ADGRG7: variants seen among roughly 807,000 people sequenced by gnomAD.
The protein encoded by ADGRG7 is G-protein coupled receptor 128.
Under a neutral mutation model 88.6 loss-of-function variants are expected in ADGRG7, and 82 were observed. The observed-to-expected ratio is 0.93, with a 90% CI of 0.77 to 1.11. ADGRG7 has a LOEUF of 1.11. ADGRG7 is among the 50% of genes most tolerant of loss of function. The pLI is 0.00. For missense variants in ADGRG7, 945 were observed against 953.4 expected (o/e 0.99, Z 0.12); for synonymous variants, 381 against 345.2 (o/e 1.10, Z -1.15).
chr3:100,639,452 G>A (rs2149022247), intron 6 of ADGRG7, among the ~76,000 whole-genome samples: 1 of 152,324 alleles, frequency 6.6e-6, no homozygotes, highest in South Asian at 2.1e-4. Flanking sequence ...AATTCTGAGA[G>A]GTGGTTGTAG....
intron 11 of ADGRG7, among the ~76,000 whole-genome samples, chr3:100,650,479 A>G (rs1230609181): frequency 1.3e-5 from 2 of 152,110 alleles, no homozygotes; most frequent in Non-Finnish European, 2.9e-5. Flanking sequence ...TTGGTCTTTC[A>G]TGACATTGAA....
chr3:100,659,605 G>A, intron 13 of ADGRG7, 83 bp from the exon 14 acceptor site: 2 of 1,171,094 alleles, frequency 1.7e-6, no homozygotes, highest in South Asian at 3.1e-5. Context: ...TCAGTTGAGT[G>A]AATGTCAATA....
intron 3 of ADGRG7, among the ~76,000 whole-genome samples, chr3:100,631,902 C>T (rs1707463300): frequency 1.3e-5 from 2 of 152,014 alleles, no homozygotes; most frequent in South Asian, 4.2e-4. Context: ...TCTGAAATGC[C>T]ATATCAGTCA....
At chr3:100,612,841 T>C (rs1243415747) in intron 1 of ADGRG7, among the ~76,000 whole-genome samples, 1 of 152,188 alleles carries the variant, frequency 6.6e-6, no homozygotes, top group African/African-American at 2.4e-5. Context: ...CGTTGAAATA[T>C]TCCCAAACCC....
intron 14 of ADGRG7, among the ~76,000 whole-genome samples, chr3:100,664,587 T>C (rs373387847): frequency 6.6e-6 from 1 of 152,336 alleles, no homozygotes; most frequent in African/African-American, 2.4e-5. Flanking sequence ...AAATTATTCA[T>C]GGCTCAATAC....
intron 15 of ADGRG7, among the ~76,000 whole-genome samples, chr3:100,685,193 T>A (rs1272154430): frequency 1.3e-5 from 2 of 152,184 alleles, no homozygotes; most frequent in Admixed American, 6.5e-5. Flanking sequence ...AATGAGGACT[T>A]TTCTAGCTGA....
At chr3:100,677,807 G>A (rs147225292) in intron 15 of ADGRG7, among the ~76,000 whole-genome samples, 122 of 152,162 alleles carry the variant, frequency 8.0e-4, no homozygotes, top group African/African-American at 2.9e-3. Context: ...TTGAAGCTCT[G>A]TTGTATATTA....
chr3:100,635,649 A>T, intron 4 of ADGRG7, 28 bp from the exon 5 acceptor site: 1 of 1,605,788 alleles, frequency 6.2e-7, no homozygotes, highest in South Asian at 1.1e-5. Flanking sequence ...GTGTAAAGCT[A>T]GGGTTTTTTT....
chr3:100,669,103 C>T lies in ADGRG7; in HGVS notation c.2134C>T (p.Gln712Ter), dbSNP rs1363143675. 3 of 1,578,978 alleles carry T rather than the reference C, an allele frequency of 1.9e-6. No individual in the cohort carries two copies. The highest frequency in any genetic ancestry group is 2.6e-6 in the Non-Finnish European group (3 of 1,163,992). Residue 712 changes from glutamine to a stop codon, truncating the protein, a stop_gained and splice_region_variant, in exon 15 of 16, where the codon CAG (glutamine) becomes TAG (stop). Coordinates refer to ENST00000273352, the MANE Select transcript of ADGRG7 (RefSeq NM_032787.3). LOFTEE classifies it high-confidence loss of function. ...CATATTCTGCCTTTTCAACACTACA[C>T]AGGTATGGTGCGGATTAGTCTGAAA... The part of the protein sequence containing the change: ...SYIFCLFNTT[Q>*]GLQIFILYTV...
chr3:100,612,303 T>A (rs1481212752), intron 1 of ADGRG7, among the ~76,000 whole-genome samples: 1 of 152,150 alleles, frequency 6.6e-6, no homozygotes, highest in Non-Finnish European at 1.5e-5. Flanking sequence ...ACAACAATAT[T>A]TATGCTATTT....
At chr3:100,657,031 G>C (rs1015803354) in intron 13 of ADGRG7, among the ~76,000 whole-genome samples, 5 of 152,210 alleles carry the variant, frequency 3.3e-5, no homozygotes, top group Admixed American at 2.6e-4. Context: ...CACAGGGCTA[G>C]ACTCACTCCT....
intron 14 of ADGRG7, among the ~76,000 whole-genome samples, chr3:100,666,957 G>C (rs1482588126): frequency 2.0e-5 from 3 of 152,120 alleles, no homozygotes; most frequent in Non-Finnish European, 4.4e-5. Context: ...CAGAGAGCAC[G>C]GGGTTGGGGG....
chr3:100,650,207 C>T (rs971951627), intron 11 of ADGRG7, among the ~76,000 whole-genome samples: 5 of 152,000 alleles, frequency 3.3e-5, no homozygotes, highest in Admixed American at 6.6e-5. Flanking sequence ...AATGGTGAAA[C>T]GTTTTTCAAA....
rs912646446 is a variant in ADGRG7, at chr3:100,635,773, G to T, written c.544G>T (p.Ala182Ser). The change falls in exon 5 of 16, where the codon GCT becomes TCT. Residue 182 changes from alanine (A) to serine (S), a missense_variant. Transcript: ENST00000273352. ...ATTAACTGCTGAGAACATCACTAGTGCTACGCGAGTGGTTGGACAGATATT... is the reference window on the plus strand; with the variant it reads ...ATTAACTGCTGAGAACATCACTAGTTCTACGCGAGTGGTTGGACAGATATT... Reference protein sequence around the residue: ...NKLTAENITSATRVVGQIFNT... With the variant: ...NKLTAENITSSTRVVGQIFNT... The T allele has an allele frequency of 1.2e-6, 2 of 1,613,792 alleles. No homozygotes were observed. The highest frequency in any genetic ancestry group is 4.5e-5 in the East Asian group (2 of 44,876).
chr3:100,612,441 T>C (rs1176031944), intron 1 of ADGRG7, among the ~76,000 whole-genome samples: 1 of 152,216 alleles, frequency 6.6e-6, no homozygotes, highest in Admixed American at 6.5e-5. Context: ...GCATTCTTCA[T>C]AGAAAAACAC....
In ADGRG7 at chr3:100,666,339, G is replaced by A. The variant is rs367599299; in HGVS notation, c.1980-2610G>A. Among the ~76,000 whole-genome samples, 44 of 152,308 alleles carry A rather than the reference G, an allele frequency of 2.9e-4. 1 individual carries two copies. The highest frequency in any genetic ancestry group is 4.1e-4 in the South Asian group (2 of 4,826). The stretch of plus-strand genomic sequence containing the variant: ...ATTGATCATTCGTGGGTGTTTCTCC[G>A]AGAGAGGGATGTGTTAGGGTCACAA... On this transcript the variant is annotated intron_variant, in intron 14 of 15. Transcript: ENST00000273352.
Position 100,654,858 on chromosome 3 carries a change from C to T in ADGRG7, c.1403C>T (p.Thr468Ile). Reference sequence around the variant, plus strand: ...AGGAAAGTCAGAAAAACCTCAGTAACCTGGGTTTTGGTCAATCTGTGCATA... The same window carrying T: ...AGGAAAGTCAGAAAAACCTCAGTAATCTGGGTTTTGGTCAATCTGTGCATA... ...VTRKVRKTSV[T>I]WVLVNLCISM... Residue 468 changes from threonine (T) to isoleucine (I), a missense_variant, in exon 12 of 16, where the codon ACC becomes ATC. Physicochemically the swap from Thr to Ile is moderately conservative, Grantham distance 89 (BLOSUM62 -1). Transcript: ENST00000273352. 1 of 1,582,550 alleles carries T rather than the reference C, an allele frequency of 6.3e-7. No homozygotes were observed. Among genetic ancestry groups the T allele is most frequent in the Non-Finnish European group, 8.6e-7 (1 of 1,160,732 alleles).
intron 1 of ADGRG7, among the ~76,000 whole-genome samples, chr3:100,623,885 C>T (rs1486917493): frequency 6.6e-6 from 1 of 152,166 alleles, no homozygotes. Flanking sequence ...GTATCTCATT[C>T]CTTTTTATGG....
At chr3:100,645,401 T>C (rs973079148) in intron 8 of ADGRG7, among the ~76,000 whole-genome samples, 5 of 152,172 alleles carry the variant, frequency 3.3e-5, no homozygotes, top group South Asian at 4.1e-4. Context: ...GTTGAAGAGA[T>C]GGTGAAGAGT....
Sources: allele counts gnomAD v4.1 joint callset (sites outside exome capture counted in the v4.1 genomes callset), GRCh38; gene constraint gnomAD v4.1.1; transcripts MANE v1.5; gene names NCBI Gene and HGNC (gene_info 2026-07-23, HGNC 2026-07-21).